The following DOCK9 variants were observed in gnomAD, a reference collection of about 807,000 sequenced individuals.
DOCK9 encodes the protein dedicator of cytokinesis 9.
A neutral mutation model predicts 263.3 loss-of-function variants in DOCK9; 89 were observed. The observed-to-expected ratio is 0.34, with a 90% CI of 0.28 to 0.40. The LOEUF is 0.40. Ranked by LOEUF, DOCK9 falls within the 10% of genes least tolerant of loss-of-function variation. The pLI, the probability that DOCK9 is intolerant of heterozygous loss-of-function variation, is 1.00. For synonymous variants in DOCK9, 976 were observed against 973.1 expected, an observed-to-expected ratio of 1.00 and a Z score of -0.06; for missense variants, 2,140 against 2,603.4, an observed-to-expected ratio of 0.82 and a Z score of 3.87.
chr13:98,979,710 T>C (rs574941087), upstream of DOCK9, among the ~76,000 whole-genome samples: 2 of 152,244 alleles, frequency 1.3e-5, no homozygotes, highest in South Asian at 2.1e-4. Context: ...CAAAATAATA[T>C]TATCTATAAA....
At chr13:98,923,239 G>T in intron 5 of DOCK9, 63 bp downstream of exon 5, 1 of 1,479,956 alleles carries the variant, frequency 6.8e-7, no homozygotes, top group Non-Finnish European at 9.4e-7. Context: ...AATCTTCTAA[G>T]TCTGTAAAAT....
intron 1 of DOCK9, among the ~76,000 whole-genome samples, chr13:98,984,937 G>C (rs1457731706): frequency 6.6e-6 from 1 of 151,984 alleles, no homozygotes; most frequent in South Asian, 2.1e-4. Context: ...AAAACACAAA[G>C]ACAAAAAAGT....
chr13:98,880,746 G>A (rs2044615594), intron 25 of DOCK9, 74 bp from the exon 26 acceptor site: 3 of 1,553,948 alleles, frequency 1.9e-6, no homozygotes, highest in African/African-American at 1.4e-5. Flanking sequence ...AGACTCCCAA[G>A]AATGGAGATC....
At chr13:98,914,498 C>T (rs1395074766) in intron 8 of DOCK9, 103 bp from the exon 9 acceptor site, 4 of 935,170 alleles carry the variant, frequency 4.3e-6, no homozygotes, top group Non-Finnish European at 6.6e-6. Flanking sequence ...CAAATGAACA[C>T]AGTGGTTCCC....
chr13:98,971,171 T>A (rs986118517), intron 1 of DOCK9, among the ~76,000 whole-genome samples: 1 of 152,136 alleles, frequency 6.6e-6, no homozygotes, highest in Non-Finnish European at 1.5e-5. Context: ...AGGGTGGTGA[T>A]CTGCAGAGAT....
At chr13:98,986,919 A>G (rs72651859) in intron 1 of DOCK9, among the ~76,000 whole-genome samples, 14,267 of 152,240 alleles carry the variant, frequency 0.094, 740 homozygotes, top group Middle Eastern at 0.14. Context: ...GCAGGTGAGG[A>G]GGGTGAATGC....
At chr13:99,029,817 CAA>C (rs1248149369) in intron 1 of DOCK9, among the ~76,000 whole-genome samples, 2 of 152,164 alleles carry the variant, frequency 1.3e-5, no homozygotes, top group African/African-American at 2.4e-5. Context: ...CATGTCCACA[CAA>C]AGACTTGTAT....
chr13:98,808,442 A>T (rs181291504), intron 47 of DOCK9, among the ~76,000 whole-genome samples: 3 of 152,354 alleles, frequency 2.0e-5, no homozygotes, highest in Non-Finnish European at 2.9e-5. Flanking sequence ...GTTGAAAATT[A>T]AAAAGTCCAA....
chr13:98,875,381 A>G (rs2142370673), intron 27 of DOCK9, among the ~76,000 whole-genome samples: 1 of 152,340 alleles, frequency 6.6e-6, no homozygotes, highest in East Asian at 1.9e-4. Context: ...ACTATGAGCC[A>G]CACCCTCCTT....
intron 1 of DOCK9, among the ~76,000 whole-genome samples, chr13:99,029,352 C>T (rs976771876): frequency 6.6e-6 from 1 of 152,168 alleles, no homozygotes; most frequent in Non-Finnish European, 1.5e-5. Context: ...ACAGCCACTA[C>T]CTCTACAATA....
intron 1 of DOCK9, among the ~76,000 whole-genome samples, chr13:99,046,642 CTG>C (rs2040448659): frequency 6.6e-6 from 1 of 152,196 alleles, no homozygotes; most frequent in African/African-American, 2.4e-5. Flanking sequence ...TGAATCACTG[CTG>C]TGTTATCACA....
intron 1 of DOCK9, among the ~76,000 whole-genome samples, chr13:98,958,596 T>C (rs2058327269): frequency 6.6e-6 from 1 of 152,250 alleles, no homozygotes; most frequent in Non-Finnish European, 1.5e-5. Flanking sequence ...CACATGGGCA[T>C]GGCAGTGTTA....
intron 1 of DOCK9, among the ~76,000 whole-genome samples, chr13:99,066,778 TA>T (rs1341986107): frequency 2.6e-5 from 4 of 152,162 alleles, no homozygotes; most frequent in African/African-American, 9.7e-5. Flanking sequence ...TACATTACCA[TA>T]AAACTAAAAA....
At chr13:99,049,430 G>A (rs1409573946) in intron 1 of DOCK9, among the ~76,000 whole-genome samples, 1 of 152,122 alleles carries the variant, frequency 6.6e-6, no homozygotes, top group Non-Finnish European at 1.5e-5. Context: ...GCAAACGCCT[G>A]TAGTCCCAGC....
At chr13:98,854,214 G>C (rs1333847191) in intron 34 of DOCK9, among the ~76,000 whole-genome samples, 1 of 115,158 alleles carries the variant, frequency 8.7e-6, no homozygotes, top group Non-Finnish European at 2.0e-5. Flanking sequence ...CTAGGCAGCA[G>C]GTTCTTGTGG....
Position 98,867,546 on chromosome 13 carries a change from G to A in DOCK9, c.3175-10C>T. The A allele has an allele frequency of 6.6e-7, 1 of 1,513,412 alleles. No individual in the cohort carries two copies. The highest frequency in any genetic ancestry group is 9.1e-7 in the Non-Finnish European group (1 of 1,094,804). The allele number at this position is 1,513,412 out of a possible 1,614,324, so 93.7% of individuals were successfully genotyped here. On this transcript the variant is annotated splice_polypyrimidine_tract_variant and intron_variant, in intron 29 of 52. Coordinates refer to ENST00000682017, the MANE Select transcript of DOCK9 (RefSeq NM_001366683.2). The stretch of plus-strand genomic sequence containing the variant: ...TGTATTCAAAGAGGGTCTGCAGGAA[G>A]AAGTGTGTAGTCATAAATACCTCAC...
chr13:99,074,239 C>G (rs2041814463), intron 1 of DOCK9, among the ~76,000 whole-genome samples: 1 of 152,262 alleles, frequency 6.6e-6, no homozygotes, highest in Non-Finnish European at 1.5e-5. Context: ...CTGCAGAACA[C>G]AGTCTACAAA....
intron 45 of DOCK9, among the ~76,000 whole-genome samples, chr13:98,812,250 G>C (rs921077701): frequency 1.4e-5 from 2 of 146,064 alleles, no homozygotes; most frequent in African/African-American, 5.1e-5. Context: ...ACAGGGTACA[G>C]AGTGCTGCCA....
At chr13:98,907,210 C>T (rs2049245264) in intron 9 of DOCK9, among the ~76,000 whole-genome samples, 1 of 152,210 alleles carries the variant, frequency 6.6e-6, no homozygotes, top group East Asian at 1.9e-4. Context: ...TGTTTCCTAA[C>T]AAAACCATCA....
Sources: allele counts gnomAD v4.1 joint callset (sites outside exome capture counted in the v4.1 genomes callset), GRCh38; gene constraint gnomAD v4.1.1; transcripts MANE v1.5; gene names NCBI Gene and HGNC (gene_info 2026-07-23, HGNC 2026-07-21).